Variants in PSMA8 observed in about 807,000 individuals in gnomAD.
PSMA8 encodes proteasome 20S subunit alpha 8, also known as proteasome subunit alpha-type 8.
In PSMA8, 18 loss-of-function variants were observed where a neutral mutation model predicts 32.4. The observed-to-expected ratio is 0.56, with a 90% CI of 0.38 to 0.82. The LOEUF (loss-of-function observed/expected upper bound fraction) is 0.82, where lower values mean the gene tolerates loss of function less well. Ranked by LOEUF, PSMA8 falls within the 40% of genes least tolerant of loss-of-function variation. The pLI, the probability that PSMA8 is intolerant of heterozygous loss-of-function variation, is 0.00. For synonymous variants in PSMA8, 104 were observed against 98.1 expected (o/e 1.06, Z -0.36); for missense variants, 298 against 300.7 (o/e 0.99, Z 0.07).
intron 1 of PSMA8, among the ~76,000 whole-genome samples, chr18:26,139,684 T>C (rs1449465425): frequency 6.6e-6 from 1 of 152,204 alleles, no homozygotes; most frequent in African/African-American, 2.4e-5. Context: ...CCGAGGATAG[T>C]CTACAACTGA....
At chr18:26,167,115 A>T (rs1340183058) in intron 4 of PSMA8, among the ~76,000 whole-genome samples, 1 of 152,202 alleles carries the variant, frequency 6.6e-6, no homozygotes, top group Non-Finnish European at 1.5e-5. Flanking sequence ...TAAAATATTA[A>T]TGTATAAAAA....
intron 4 of PSMA8, among the ~76,000 whole-genome samples, chr18:26,161,434 G>C (rs2055134314): frequency 6.6e-6 from 1 of 152,192 alleles, no homozygotes; most frequent in African/African-American, 2.4e-5. Context: ...GCCTGTTCTA[G>C]AATTACTATC....
At chr18:26,172,638 A>G (rs1340026611) in intron 4 of PSMA8, among the ~76,000 whole-genome samples, 1 of 152,154 alleles carries the variant, frequency 6.6e-6, no homozygotes, top group Non-Finnish European at 1.5e-5. Flanking sequence ...TATCCAATCC[A>G]TTATTATTTA....
chr18:26,139,616 G>A (rs902181957), intron 1 of PSMA8, among the ~76,000 whole-genome samples: 2 of 152,176 alleles, frequency 1.3e-5, no homozygotes, highest in African/African-American at 4.8e-5. Flanking sequence ...TCAAGTAAAT[G>A]CATACTCTTG....
chr18:26,185,075 G>A (rs1333467146), intron 6 of PSMA8, among the ~76,000 whole-genome samples: 5 of 109,000 alleles, frequency 4.6e-5, no homozygotes, highest in African/African-American at 7.3e-5. Flanking sequence ...CAACAAGAGC[G>A]AAACTCCATC....
At chr18:26,192,216 A>T in intron 6 of PSMA8, 103 bp from the exon 7 acceptor site, 1 of 1,002,086 alleles carries the variant, frequency 1.0e-6, no homozygotes, top group Non-Finnish European at 1.3e-6. Context: ...ATAAAGTTGT[A>T]CATAGAAAGT....
intron 4 of PSMA8, among the ~76,000 whole-genome samples, chr18:26,163,808 T>C (rs1026178912): frequency 2.0e-5 from 3 of 152,230 alleles, no homozygotes; most frequent in Non-Finnish European, 4.4e-5. Flanking sequence ...TGTGTCTCTC[T>C]AGCTGCTATA....
At chr18:26,184,035 A>AT (rs2055333667) in intron 6 of PSMA8, among the ~76,000 whole-genome samples, 1 of 150,680 alleles carries the variant, frequency 6.6e-6, no homozygotes, top group African/African-American at 2.5e-5. Context: ...AGATATGTTG[A>AT]TTTTTTTAGA....
At chr18:26,158,796 A>G (rs887095892) in intron 4 of PSMA8, among the ~76,000 whole-genome samples, 1 of 152,162 alleles carries the variant, frequency 6.6e-6, no homozygotes, top group African/African-American at 2.4e-5. Flanking sequence ...TTAATGGTGC[A>G]CTCAAATCCA....
At chr18:26,148,733 A>G (rs1390695095) in intron 2 of PSMA8, among the ~76,000 whole-genome samples, 1 of 152,258 alleles carries the variant, frequency 6.6e-6, no homozygotes, top group Non-Finnish European at 1.5e-5. Flanking sequence ...ATCTCTGTTC[A>G]CAGAAGACAT....
chr18:26,145,304 G>C (rs1001238058), intron 2 of PSMA8, among the ~76,000 whole-genome samples: 9 of 152,050 alleles, frequency 5.9e-5, no homozygotes, highest in African/African-American at 2.2e-4. Flanking sequence ...TTTTAGTGGA[G>C]ACGGGGTTTC....
chr18:26,184,022 T>A (rs1461171293), intron 6 of PSMA8, among the ~76,000 whole-genome samples: 1 of 150,700 alleles, frequency 6.6e-6, no homozygotes, highest in Non-Finnish European at 1.5e-5. Flanking sequence ...TGTTTTCAAA[T>A]TAAGATATGT....
At chr18:26,176,194 T>C (rs527922289) in intron 4 of PSMA8, among the ~76,000 whole-genome samples, 2 of 152,142 alleles carry the variant, frequency 1.3e-5, no homozygotes, top group South Asian at 4.2e-4. Context: ...GTCAGGTGGG[T>C]AAGAGTTAAA....
At chr18:26,186,304 T>A (rs1464346432) in intron 6 of PSMA8, among the ~76,000 whole-genome samples, 2 of 140,058 alleles carry the variant, frequency 1.4e-5, no homozygotes, top group Non-Finnish European at 3.1e-5. Flanking sequence ...AGAGCTACCC[T>A]AGTTCAAATT....
chr18:26,134,350 T>G (rs1426441607), intron 1 of PSMA8, among the ~76,000 whole-genome samples: 2 of 134,600 alleles, frequency 1.5e-5, no homozygotes, highest in Admixed American at 7.0e-5. Context: ...GGTGTGTGTG[T>G]GTGTGTGTGT....
intron 1 of PSMA8, among the ~76,000 whole-genome samples, chr18:26,134,903 G>A (rs528985984): frequency 2.8e-4 from 42 of 151,884 alleles, no homozygotes; most frequent in African/African-American, 9.4e-4. Flanking sequence ...GCGGTGAGCC[G>A]AGATCGTGCC....
chr18:26,192,507 G>C lies in PSMA8; in HGVS notation c.*96G>C. 1 of 1,345,480 alleles carries C rather than the reference G, an allele frequency of 7.4e-7. No individual in the cohort carries two copies. The allele number at this position is 1,345,480 out of a possible 1,614,324, so 83.3% of individuals were successfully genotyped here. On this transcript the variant is annotated 3_prime_UTR_variant, in exon 7 of 7. Transcript: ENST00000415576. The stretch of plus-strand genomic sequence containing the variant: ...TTTAGAGGAAAACAGTTATTTTGCA[G>C]CATTACATGCAGTACTTGTGTGATG...
At chr18:26,152,328 G>GTTTTT (rs1252685929) in intron 3 of PSMA8, among the ~76,000 whole-genome samples, 1 of 151,764 alleles carries the variant, frequency 6.6e-6, no homozygotes, top group Non-Finnish European at 1.5e-5. Context: ...TTTTGTTTTT[G>GTTTTT]TTTTTGTGTT....
chr18:26,177,664 A>C (rs772382972), intron 4 of PSMA8, among the ~76,000 whole-genome samples: 14 of 152,226 alleles, frequency 9.2e-5, no homozygotes, highest in Non-Finnish European at 2.9e-5. Flanking sequence ...TCTGATGAAA[A>C]TGTGTAAAGA....
Sources: gnomAD v4.1 joint callset for allele counts (sites outside exome capture counted in the v4.1 genomes callset) on GRCh38, gnomAD v4.1.1 for gene constraint, MANE v1.5 for transcripts, NCBI Gene and HGNC (gene_info 2026-07-23, HGNC 2026-07-21) for gene names.